HOOK3: variants seen among roughly 807,000 people sequenced by gnomAD.
HOOK3 encodes protein Hook homolog 3.
A neutral mutation model predicts 116.3 loss-of-function variants in HOOK3; 24 were observed. That is an observed-to-expected ratio of 0.21 (90% CI 0.15 to 0.29). The LOEUF is 0.29. HOOK3 is among the 10% of genes least tolerant of loss of function. HOOK3 has a pLI of 1.00. For missense variants in HOOK3, 632 were observed against 830.2 expected (o/e 0.76, Z 2.93); for synonymous variants, 275 against 283.0 (o/e 0.97, Z 0.28).
In HOOK3 at chr8:42,897,112, G is replaced by T; in HGVS notation, c.-20G>T. ...GGTGTCTGGCCAGGCGGTAGGCGCTGCCTGGCCGCGGCGGGGAAGATGTTC... is the reference window on the plus strand; with the variant it reads ...GGTGTCTGGCCAGGCGGTAGGCGCTTCCTGGCCGCGGCGGGGAAGATGTTC... On this transcript the variant is annotated 5_prime_UTR_variant, in exon 1 of 22. Coordinates refer to ENST00000307602, the MANE Select transcript of HOOK3 (RefSeq NM_032410.4). 1 of 1,242,404 alleles carries T rather than the reference G, an allele frequency of 8.0e-7. No homozygotes were observed. Among genetic ancestry groups the T allele is most frequent in the Non-Finnish European group, 1.0e-6 (1 of 988,754 alleles). 77.0% of individuals were successfully genotyped at this position (1,242,404 alleles called of 1,614,324 possible).
intron 8 of HOOK3, among the ~76,000 whole-genome samples, chr8:42,961,873 G>T (rs887411710): frequency 6.6e-6 from 1 of 151,938 alleles, no homozygotes; most frequent in Non-Finnish European, 1.5e-5. Flanking sequence ...TGCAACCTCC[G>T]CCTCCTGGGC....
intron 2 of HOOK3, among the ~76,000 whole-genome samples, chr8:42,908,129 C>G (rs1369718953): frequency 5.3e-5 from 8 of 152,106 alleles, no homozygotes; most frequent in Admixed American, 2.0e-4. Context: ...GGTGAAAGAG[C>G]CATACATTGA....
At chr8:42,977,275 A>ACC (rs967993873) in intron 13 of HOOK3, among the ~76,000 whole-genome samples, 9 of 152,182 alleles carry the variant, frequency 5.9e-5, no homozygotes, top group Non-Finnish European at 1.2e-4. Flanking sequence ...GGAGTCTGGG[A>ACC]CCTCAGCTTC....
chr8:42,970,927 A>G (rs1808716317), intron 11 of HOOK3, among the ~76,000 whole-genome samples: 1 of 151,668 alleles, frequency 6.6e-6, no homozygotes, highest in South Asian at 2.1e-4. Context: ...AGCTAGGACC[A>G]CAAGTGTGTG....
chr8:43,010,999 CTT>C (rs1241500996), intron 19 of HOOK3, among the ~76,000 whole-genome samples: 2 of 145,684 alleles, frequency 1.4e-5, no homozygotes, highest in Admixed American at 6.9e-5. Context: ...GGTCCATTTT[CTT>C]TTTTTTTTTG....
intron 2 of HOOK3, among the ~76,000 whole-genome samples, chr8:42,918,529 CAT>C (rs1807575970): frequency 6.6e-6 from 1 of 152,008 alleles, no homozygotes; most frequent in Non-Finnish European, 1.5e-5. Flanking sequence ...AACAGATAAA[CAT>C]GTGAACAAAG....
chr8:42,974,819 T>G (rs921175798), intron 13 of HOOK3, among the ~76,000 whole-genome samples: 1 of 152,132 alleles, frequency 6.6e-6, no homozygotes, highest in Non-Finnish European at 1.5e-5. Context: ...ACCCAGACAG[T>G]CTCTGCGGCT....
At chr8:42,919,597 G>T (rs1563291037) in intron 2 of HOOK3, among the ~76,000 whole-genome samples, 1 of 152,214 alleles carries the variant, frequency 6.6e-6, no homozygotes, top group Non-Finnish European at 1.5e-5. Context: ...CAGGCGGCTG[G>T]GAGGTGGAGG....
intron 6 of HOOK3, among the ~76,000 whole-genome samples, chr8:42,954,270 A>T (rs1171005715): frequency 6.6e-6 from 1 of 152,240 alleles, no homozygotes; most frequent in African/African-American, 2.4e-5. Context: ...CTATATTTTT[A>T]AATTTTTCTA....
intron 13 of HOOK3, among the ~76,000 whole-genome samples, chr8:42,975,043 G>C (rs568149168): frequency 9.2e-5 from 14 of 152,140 alleles, no homozygotes; most frequent in Non-Finnish European, 1.6e-4. Flanking sequence ...CGACGGGAAG[G>C]GGTGGCTCTG....
At chr8:42,963,451 A>G (rs531953882) in intron 8 of HOOK3, among the ~76,000 whole-genome samples, 3 of 152,294 alleles carry the variant, frequency 2.0e-5, no homozygotes, top group South Asian at 4.1e-4. Context: ...GTTTTCTTCT[A>G]TTACAAATGA....
rs575701897 is a variant in HOOK3, at chr8:42,953,916, G to C, written c.469-3178G>C. 9.2e-5 allele frequency among the ~76,000 whole-genome samples: 14 copies of C among 152,242 alleles called. No homozygotes were observed. The South Asian group carries it at 2.9e-3, about 32-fold the overall frequency. Reference sequence around the variant, plus strand: ...ATAGCACTCAGGTCTAAGCAGTGCAGAGCCCATACCTACAACCATTGTGCC... The same window carrying C: ...ATAGCACTCAGGTCTAAGCAGTGCACAGCCCATACCTACAACCATTGTGCC... On this transcript the variant is annotated intron_variant, in intron 6 of 21. Transcript: ENST00000307602.
Position 43,013,105 on chromosome 8 carries a change from G to C in HOOK3, c.1894G>C (p.Ala632Pro). Residue 632 changes from alanine to proline, a missense_variant, in exon 20 of 22, where the codon GCT becomes CCT. This residue lies in a region of HOOK3 where 483 missense variants were observed against 648.1 expected (regional missense o/e 0.75). Coordinates refer to ENST00000307602, the MANE Select transcript of HOOK3 (RefSeq NM_032410.4). ...QNQGAAPEIQALKNQLQERDR... is the reference protein window; with the variant it reads ...QNQGAAPEIQPLKNQLQERDR... ...TCAAGGAGCAGCACCAGAAATACAA[G>C]CTCTTAAAAATCAGCTCCAGGAACG... 1 of 1,613,544 alleles carries C rather than the reference G, an allele frequency of 6.2e-7. No homozygotes were observed. The highest frequency in any genetic ancestry group is 8.5e-7 in the Non-Finnish European group (1 of 1,179,696).
intron 3 of HOOK3, among the ~76,000 whole-genome samples, chr8:42,926,210 T>TA (rs1807761982): frequency 6.6e-6 from 1 of 152,254 alleles, no homozygotes; most frequent in Non-Finnish European, 1.5e-5. Flanking sequence ...TTTTTATCCT[T>TA]ACATTAGGCA....
chr8:42,959,786 CAAAT>C (rs1254439132), intron 8 of HOOK3, among the ~76,000 whole-genome samples: 1 of 143,606 alleles, frequency 7.0e-6, no homozygotes, highest in Non-Finnish European at 1.5e-5. Flanking sequence ...ATACCTTTCA[CAAAT>C]AACAGACAAA....
At chr8:42,967,881 A>G (rs1165988686) in intron 10 of HOOK3, 132 bp from the exon 11 acceptor site, 1 of 610,472 alleles carries the variant, frequency 1.6e-6, no homozygotes, top group Non-Finnish European at 3.0e-6. Flanking sequence ...TAACCTGTGC[A>G]GAAAATTAAC....
intron 15 of HOOK3, among the ~76,000 whole-genome samples, chr8:42,988,765 C>T (rs1004772850): frequency 8.5e-5 from 13 of 152,178 alleles, no homozygotes; most frequent in African/African-American, 3.1e-4. Context: ...TGCCTGACTC[C>T]AAAGCCTCCA....
chr8:43,000,250 T>G (rs1809353810), intron 16 of HOOK3: 3 of 1,283,326 alleles, frequency 2.3e-6, no homozygotes, highest in African/African-American at 3.0e-5. Context: ...TCTCTGTCTC[T>G]TGGCATGGTT....
At chr8:42,974,303 C>CAACCTCTGCCTCCTGG in intron 13 of HOOK3, 109 bp downstream of exon 13, 2 of 694,360 alleles carry the variant, frequency 2.9e-6, no homozygotes, top group South Asian at 1.8e-5. Flanking sequence ...TGGCTCACTG[C>CAACCTCTGCCTCCTGG]AACCTCTGCC....
Sources: gnomAD v4.1 joint callset for allele counts (sites outside exome capture counted in the v4.1 genomes callset) on GRCh38, gnomAD v4.1.1 for gene constraint, gnomAD v4.1.1 regional missense constraint, MANE v1.5 for transcripts, NCBI Gene and HGNC (gene_info 2026-07-23, HGNC 2026-07-21) for gene names.